UBAP2: variants seen among roughly 807,000 people sequenced by gnomAD.
The protein encoded by UBAP2 is ubiquitin-associated protein 2.
UBAP2 carries 75 observed loss-of-function variants against 139.6 expected under a neutral mutation model. The observed-to-expected ratio is 0.54, with a 90% CI of 0.45 to 0.65. The LOEUF (loss-of-function observed/expected upper bound fraction) is 0.65. Ranked by LOEUF, UBAP2 falls within the 30% of genes least tolerant of loss-of-function variation. UBAP2 has a pLI of 0.00. For missense variants in UBAP2, 1,368 were observed against 1,369.6 expected (o/e 1.00, Z 0.02); for synonymous variants, 526 against 526.2 (o/e 1.00, Z 0.01).
intron 19 of UBAP2, 198 bp from the exon 20 acceptor site, chr9:33,928,190 T>TC (rs1823643131): frequency 1.8e-6 from 1 of 557,874 alleles, no homozygotes; most frequent in Admixed American, 3.4e-5. Context: ...GTTCCAGCCA[T>TC]CAGGATACAA....
intron 1 of UBAP2, among the ~76,000 whole-genome samples, chr9:34,036,518 T>C (rs1339639561): frequency 6.6e-6 from 1 of 152,150 alleles, no homozygotes; most frequent in African/African-American, 2.4e-5. Context: ...AACAATGCTT[T>C]TCTCTGTCAC....
At chr9:34,047,877 C>T (rs1827745839) in intron 1 of UBAP2, among the ~76,000 whole-genome samples, 1 of 152,172 alleles carries the variant, frequency 6.6e-6, no homozygotes, top group African/African-American at 2.4e-5. Context: ...TGTAGAAAGA[C>T]AATAAGCCTA....
chr9:33,925,144 A>G (rs1186423586), intron 22 of UBAP2, among the ~76,000 whole-genome samples: 2 of 152,094 alleles, frequency 1.3e-5, no homozygotes, highest in Non-Finnish European at 1.5e-5. Context: ...GCACTCCTGG[A>G]CACACCTGGC....
At chr9:33,934,986 C>T (rs559534758) in intron 17 of UBAP2, among the ~76,000 whole-genome samples, 28 of 152,286 alleles carry the variant, frequency 1.8e-4, no homozygotes, top group African/African-American at 6.7e-4. Context: ...AGTTCAATAT[C>T]CGCACTCCCA....
intron 1 of UBAP2, among the ~76,000 whole-genome samples, chr9:34,044,995 A>G (rs111352273): frequency 3.4e-5 from 1 of 29,820 alleles, no homozygotes; most frequent in Non-Finnish European, 7.5e-5. Context: ...CAATTATGCT[A>G]TGTCCAGCAT....
intron 6 of UBAP2, 42 bp from the exon 7 acceptor site, chr9:33,973,279 G>T (rs546230927): frequency 1.1e-4 from 171 of 1,580,598 alleles, no homozygotes; most frequent in Admixed American, 2.2e-4. Context: ...TAATACTTAT[G>T]TCCTACACAA....
chr9:33,973,222 C>T lies in UBAP2; in HGVS notation c.536G>A (p.Arg179Lys). The T allele has an allele frequency of 2.5e-6, 4 of 1,614,022 alleles. No individual in the cohort carries two copies. The highest frequency in any genetic ancestry group is 3.4e-6 in the Non-Finnish European group (4 of 1,179,946). Residue 179 changes from arginine to lysine, a missense_variant, in exon 7 of 29, where the codon AGA (arginine) becomes AAA (lysine). Physicochemically the swap from Arg to Lys is conservative, Grantham distance 26. Transcript: ENST00000379238. ...RARGRGFGRG[R>K]GRGAGRFSTQ... Reference sequence around the variant, plus strand: ...TGAGAACCTTCCTGCCCCTCTCCCTCTGCCACGTCCAAATCCTTTAAAAAA... The same window carrying T: ...TGAGAACCTTCCTGCCCCTCTCCCTTTGCCACGTCCAAATCCTTTAAAAAA...
chr9:34,035,708 A>G (rs1189435002), intron 1 of UBAP2, among the ~76,000 whole-genome samples: 1 of 151,012 alleles, frequency 6.6e-6, no homozygotes, highest in African/African-American at 2.4e-5. Flanking sequence ...GAAACAAACA[A>G]ACACTATCAA....
intron 16 of UBAP2, among the ~76,000 whole-genome samples, chr9:33,937,188 C>A (rs1237321752): frequency 6.6e-6 from 1 of 150,892 alleles, no homozygotes; most frequent in Non-Finnish European, 1.5e-5. Context: ...GAACTAATGT[C>A]TAAAACCAGG....
Position 33,986,818 on chromosome 9 carries a change from T to A in UBAP2, c.462A>T (p.Gly154=). 6.2e-7 allele frequency: 1 copy of A among 1,614,148 alleles called. No homozygotes were observed. ...RGREFRGEEN[G]IDCNQVDKPS... ...GTTTGTCCACTTGATTGCAATCAAT[T>A]CCATTTTCTTCACCTCTAACTAGGG... The change falls in exon 6 of 29, where the codon GGA becomes GGT. Residue 154 remains glycine (G), a synonymous_variant. Transcript: ENST00000379238.
intron 6 of UBAP2, among the ~76,000 whole-genome samples, chr9:33,976,213 A>G (rs1828333163): frequency 6.6e-6 from 1 of 152,198 alleles, no homozygotes; most frequent in South Asian, 2.1e-4. Context: ...CCAAAATTAA[A>G]CAAGCTACAA....
chr9:33,958,486 C>T (rs1296003965), intron 10 of UBAP2, among the ~76,000 whole-genome samples: 1 of 151,594 alleles, frequency 6.6e-6, no homozygotes, highest in Non-Finnish European at 1.5e-5. Flanking sequence ...TCTTGTCTCA[C>T]TGCAAGTGCC....
chr9:34,034,061 G>C (rs1448758378), intron 1 of UBAP2, among the ~76,000 whole-genome samples: 1 of 152,060 alleles, frequency 6.6e-6, no homozygotes, highest in Non-Finnish European at 1.5e-5. Context: ...ATGAAGACCA[G>C]ATGACCTAAA....
rs968123049 is a variant in UBAP2 at position 34,038,172 on chromosome 9, C to A, written c.-42+10653G>T. Among the ~76,000 whole-genome samples, 45 of 133,402 alleles carry A rather than the reference C, an allele frequency of 3.4e-4. 1 individual carries two copies. Among genetic ancestry groups the A allele is most frequent in the African/African-American group, 1.2e-3 (42 of 36,078 alleles). The allele number at this position is 133,402 out of a possible 152,430, so 87.5% of individuals were successfully genotyped here. ...AAAAAAAAAAAAAAAAAAAAAAGGT[C>A]GGGCGCGGTGGCTCCTGCCTGTAAT... On this transcript the variant is annotated intron_variant, in intron 1 of 28. Coordinates refer to ENST00000379238, the MANE Select transcript of UBAP2 (RefSeq NM_001370062.2).
At position 33,953,958 on chromosome 9, in the gene UBAP2, A is replaced by G. The variant is rs142138194; in HGVS notation, c.867-484T>C. On this transcript the variant is annotated intron_variant, in intron 11 of 28. Transcript: ENST00000379238. ...GTCTCACTCTCTTACCAAGGCTGGA[A>G]TGCAGTGGTGTGACCCTGGCTCACT... Among the ~76,000 whole-genome samples the G allele has an allele frequency of 6.6e-5, 10 of 151,984 alleles. No individual in the cohort carries two copies. In the East Asian group the frequency reaches 1.9e-3, roughly 30 times the overall value.
At chr9:34,029,987 G>GAAAA (rs56101358) in intron 1 of UBAP2, among the ~76,000 whole-genome samples, 1 of 99,088 alleles carries the variant, frequency 1.0e-5, no homozygotes, top group African/African-American at 3.8e-5. Flanking sequence ...ACTCCATCTC[G>GAAAA]AAAAAAAAAA....
intron 2 of UBAP2, among the ~76,000 whole-genome samples, chr9:33,999,907 T>TATGTATGTA (rs56853849): frequency 2.6e-5 from 2 of 77,732 alleles, no homozygotes; most frequent in African/African-American, 1.1e-4. Context: ...TGTATGTATG[T>TATGTATGTA]TATTTTGAGA....
chr9:33,952,483 C>A (rs992584925), intron 12 of UBAP2, among the ~76,000 whole-genome samples: 1 of 152,012 alleles, frequency 6.6e-6, no homozygotes, highest in African/African-American at 2.4e-5. Context: ...AATCATTTGG[C>A]ATTTTAAGAA....
intron 4 of UBAP2, among the ~76,000 whole-genome samples, chr9:33,992,658 AGGG>A (rs35197118): frequency 7.2e-5 from 3 of 41,904 alleles, no homozygotes; most frequent in Non-Finnish European, 1.3e-4. Context: ...TATCGGGCGG[AGGG>A]GGGGGGGCAC....
Sources: allele counts gnomAD v4.1 joint callset (sites outside exome capture counted in the v4.1 genomes callset), GRCh38; gene constraint gnomAD v4.1.1; transcripts MANE v1.5; gene names NCBI Gene and HGNC (gene_info 2026-07-23, HGNC 2026-07-21).